The following MYBL2 variants were observed in gnomAD, a reference collection of about 807,000 sequenced individuals.
MYBL2 encodes the protein myb-related protein B.
MYBL2 carries 28 observed loss-of-function variants against 79.9 expected under a neutral mutation model. The ratio of observed to expected loss-of-function variants is 0.35; its 90% confidence interval spans 0.26 to 0.48. MYBL2 has a LOEUF of 0.48. MYBL2 is among the 20% of genes least tolerant of loss of function. The pLI is 0.99. For missense variants in MYBL2, 735 were observed against 893.9 expected, an observed-to-expected ratio of 0.82 and a Z score of 2.27; for synonymous variants, 378 against 361.2, an observed-to-expected ratio of 1.05 and a Z score of -0.53.
chr20:43,674,470 T>C (rs1302851288), intron 2 of MYBL2, among the ~76,000 whole-genome samples: 2 of 151,036 alleles, frequency 1.3e-5, no homozygotes, highest in Non-Finnish European at 2.9e-5. Context: ...CACTGCAACC[T>C]CTGCCTCCCA....
Position 43,716,235 on chromosome 20 carries a change from G to C in MYBL2, c.*148G>C. The C allele has an allele frequency of 7.8e-7, 1 of 1,274,890 alleles. No homozygotes were observed. The highest frequency in any genetic ancestry group is 2.5e-5 in the East Asian group (1 of 40,180). 79.0% of individuals were successfully genotyped at this position (1,274,890 alleles called of 1,614,324 possible). A position where few individuals can be genotyped will look rare whatever the true frequency, so the allele number is the denominator to read the frequency against. On this transcript the variant is annotated 3_prime_UTR_variant, in exon 14 of 14. Transcript: ENST00000217026. ...CCCAGACTCTCAGGTGGAGGCAACA[G>C]GGCCATGTGCTGCCCTGTTGCCGAG... is the stretch of plus-strand genomic sequence containing the variant.
chr20:43,706,790 A>C (rs1158950818), intron 9 of MYBL2, among the ~76,000 whole-genome samples: 1 of 136,264 alleles, frequency 7.3e-6, no homozygotes, highest in African/African-American at 2.8e-5. Flanking sequence ...ATCTCGGCTC[A>C]CTGCAACCTC....
intron 2 of MYBL2, 36 bp downstream of exon 2, chr20:43,673,935 TG>T: frequency 6.6e-7 from 1 of 1,521,502 alleles, no homozygotes; most frequent in Non-Finnish European, 8.9e-7. Flanking sequence ...TGATGGCAGC[TG>T]GGGGCTGTCC....
rs1987869854 is a variant in MYBL2 at position 43,709,979 on chromosome 20, C to G, written c.1522C>G (p.Gln508Glu). ...CCCTGGCAGGTTTGTAACCCCAGAT[C>G]AGAAGTACTCCATGGACAACACTCC... ...QKHAAFVTPD[Q>E]KYSMDNTPHT... Residue 508 changes from glutamine to glutamate, a missense_variant, in exon 10 of 14, where the codon CAG becomes GAG. Around this residue, in one of 5 missense-constraint regions of MYBL2, gnomAD observed 243 missense variants for 327.2 expected, o/e 0.74. Transcript: ENST00000217026. 6.2e-7 allele frequency: 1 copy of G among 1,607,502 alleles called. No individual in the cohort carries two copies. The highest frequency in any genetic ancestry group is 8.5e-7 in the Non-Finnish European group (1 of 1,176,902).
chr20:43,690,193 T>G (rs532947106), intron 5 of MYBL2, among the ~76,000 whole-genome samples: 22 of 110,708 alleles, frequency 2.0e-4, no homozygotes, highest in African/African-American at 1.2e-3. Context: ...CTGTTTTTTG[T>G]TTTTTTTTTT....
intron 8 of MYBL2, among the ~76,000 whole-genome samples, chr20:43,703,426 C>T (rs991098204): frequency 6.6e-6 from 1 of 152,162 alleles, no homozygotes. Context: ...GGGTGTTGCC[C>T]CTGGGTGCTC....
Position 43,667,184 on chromosome 20 carries a change from C to A in MYBL2, c.-100C>A. On this transcript the variant is annotated 5_prime_UTR_variant, in exon 1 of 14. Coordinates refer to ENST00000217026, the MANE Select transcript of MYBL2 (RefSeq NM_002466.4). ...TGACGCCTTCGAGCGCGGCCCGGGG[C>A]CCGGAGCGGCCGGAGCAGCCCGGGT... 1.2e-6 allele frequency: 1 copy of A among 822,738 alleles called. No homozygotes were observed. The highest frequency in any genetic ancestry group is 1.6e-6 in the Non-Finnish European group (1 of 639,412). 51.0% of individuals were successfully genotyped at this position (822,738 alleles called of 1,614,324 possible).
intron 4 of MYBL2, among the ~76,000 whole-genome samples, chr20:43,684,473 G>A (rs1279780747): frequency 6.6e-6 from 1 of 150,580 alleles, no homozygotes; most frequent in Non-Finnish European, 1.5e-5. Flanking sequence ...CTGACCTTGT[G>A]ATCTACCCAC....
intron 1 of MYBL2, among the ~76,000 whole-genome samples, chr20:43,669,911 G>A (rs1442107548): frequency 6.6e-6 from 1 of 152,190 alleles, no homozygotes; most frequent in Non-Finnish European, 1.5e-5. Context: ...AGACCAGCTT[G>A]ACCAATATGG....
Position 43,682,781 on chromosome 20 carries a change from G to T in MYBL2, c.187-13G>T, listed in dbSNP as rs1462221848. 3.1e-6 allele frequency: 5 copies of T among 1,613,402 alleles called. No individual in the cohort carries two copies. The Admixed American group carries it at 6.7e-5, about 22-fold the overall frequency. On this transcript the variant is annotated splice_polypyrimidine_tract_variant and intron_variant, in intron 3 of 13. Coordinates refer to ENST00000217026, the MANE Select transcript of MYBL2 (RefSeq NM_002466.4). ...TTCTCACAGATTGGTTTGTTCTTCT[G>T]TTCTTTTCCCAGAACCGCACTGACC... is the stretch of plus-strand genomic sequence containing the variant.
chr20:43,689,988 A>T (rs1240462161), intron 5 of MYBL2, among the ~76,000 whole-genome samples: 3 of 152,078 alleles, frequency 2.0e-5, no homozygotes, highest in Non-Finnish European at 4.4e-5. Context: ...CTCACCTGTG[A>T]GGGAAGGAGT....
rs1375738560 is a variant in MYBL2 at position 43,672,136 on chromosome 20, G to C, written c.21-1670G>C. 4.0e-5 allele frequency among the ~76,000 whole-genome samples: 3 copies of C among 75,768 alleles called. No individual in the cohort carries two copies. In the East Asian group the frequency reaches 1.2e-3, roughly 31 times the overall value. 49.7% of individuals were successfully genotyped at this position (75,768 alleles called of 152,430 possible). A position where few individuals can be genotyped will look rare whatever the true frequency, so the allele number is the denominator to read the frequency against. On this transcript the variant is annotated intron_variant, in intron 1 of 13. Coordinates refer to ENST00000217026, the MANE Select transcript of MYBL2 (RefSeq NM_002466.4). ...TGAGGCAGGAGAATCGCCTGAACCT[G>C]GGGGGCAGAGGTTACAGTGAGCTGA...
At position 43,705,452 on chromosome 20, in the gene MYBL2, G is replaced by A. The variant is rs569547374; in HGVS notation, c.1505+94G>A. 1.5e-5 allele frequency: 21 copies of A among 1,397,062 alleles called. No individual in the cohort carries two copies. In the African/African-American group the frequency reaches 1.9e-4, roughly 13 times the overall value. The allele number at this position is 1,397,062 out of a possible 1,614,324, so 86.5% of individuals were successfully genotyped here. ...ACCACTGGTGGAACAGTGGGGAGGG[G>A]GCACCCTTGGAATAACACTGAAGAC... On this transcript the variant is annotated intron_variant, in intron 9 of 13. Transcript: ENST00000217026.
intron 12 of MYBL2, among the ~76,000 whole-genome samples, chr20:43,713,689 G>A (rs947880039): frequency 6.6e-6 from 1 of 152,194 alleles, no homozygotes; most frequent in Non-Finnish European, 1.5e-5. Flanking sequence ...GCCCAGCCTA[G>A]TAATGTGTCT....
chr20:43,692,316 C>G lies in MYBL2; in HGVS notation c.660C>G (p.Gly220=). The change falls in exon 6 of 14, where the codon GGC becomes GGG. Residue 220 remains glycine (G), a synonymous_variant. Transcript: ENST00000217026. ...DGLQSAQPTE[G]QGSLLTNWPS... ...TCCAGAGTGCCCAGCCCACGGAAGG[C>G]CAGGTGAGACAGCTGCTCAGCCTTT... is the stretch of plus-strand genomic sequence containing the variant. 1 of 1,613,914 alleles carries G rather than the reference C, an allele frequency of 6.2e-7. No homozygotes were observed. Among genetic ancestry groups the G allele is most frequent in the Non-Finnish European group, 8.5e-7 (1 of 1,179,900 alleles).
rs533768264 is a variant in MYBL2, at chr20:43,673,890, C to A, written c.105C>A (p.Thr35=). The change falls in exon 2 of 14, where the codon ACC becomes ACA. Residue 35 remains threonine (T), a synonymous_variant. Coordinates refer to ENST00000217026, the MANE Select transcript of MYBL2 (RefSeq NM_002466.4). ...ATAGCAAGTGCAAGGTCAAATGGAC[C>A]CATGAGGAGGTGAGTGCCATGGGGA... is the stretch of plus-strand genomic sequence containing the variant. ...QRDSKCKVKW[T]HEEDEQLRAL... 311 of 1,552,102 alleles carry A rather than the reference C, an allele frequency of 2.0e-4. 4 individuals carry two copies. The South Asian group carries it at 3.5e-3, about 18-fold the overall frequency.
intron 2 of MYBL2, among the ~76,000 whole-genome samples, chr20:43,680,619 C>A (rs776913982): frequency 1.3e-5 from 2 of 152,044 alleles, no homozygotes; most frequent in Non-Finnish European, 2.9e-5. Context: ...CTCATCCTCC[C>A]GAGTAGCTGG....
At chr20:43,692,467 G>T in intron 6 of MYBL2, 148 bp downstream of exon 6, 2 of 928,678 alleles carry the variant, frequency 2.2e-6, no homozygotes, top group East Asian at 2.7e-5. Context: ...TGAGACTTCT[G>T]CACATAACTG....
At chr20:43,692,078 C>A in intron 5 of MYBL2, 79 bp from the exon 6 acceptor site, 1 of 1,430,310 alleles carries the variant, frequency 7.0e-7, no homozygotes. Context: ...AGGAACTTGG[C>A]TTAGGGAGGT....
Sources: gnomAD v4.1 joint callset for allele counts (sites outside exome capture counted in the v4.1 genomes callset) on GRCh38, gnomAD v4.1.1 for gene constraint, gnomAD v4.1.1 regional missense constraint, MANE v1.5 for transcripts, NCBI Gene and HGNC (gene_info 2026-07-23, HGNC 2026-07-21) for gene names.